CFAP99: variants seen among roughly 807,000 people sequenced by gnomAD.
CFAP99 encodes the protein cilia and flagella associated protein 99.
A neutral mutation model predicts 82.7 loss-of-function variants in CFAP99; 84 were observed. The ratio of observed to expected loss-of-function variants is 1.02; its 90% CI spans 0.85 to 1.22. The LOEUF (loss-of-function observed/expected upper bound fraction) is 1.22. CFAP99 is among the 50% of genes most tolerant of loss of function. The probability of loss-of-function intolerance (pLI) is 0.00; values close to 1 mark genes in which losing one functional copy is unlikely to be tolerated. For missense variants in CFAP99, 1,059 were observed against 983.5 expected (o/e 1.08, Z -1.03); for synonymous variants, 456 against 429.5 (o/e 1.06, Z -0.76).
chr4:2,455,467 A>C (rs1465681899), intron 11 of CFAP99, among the ~76,000 whole-genome samples: 2 of 152,152 alleles, frequency 1.3e-5, no homozygotes, highest in African/African-American at 4.8e-5. Context: ...GAGGTCAGGC[A>C]TTCAAGACCA....
chr4:2,437,056 GAC>G (rs1187673561), intron 3 of CFAP99, 38 bp downstream of exon 3: 1 of 1,535,060 alleles, frequency 6.5e-7, no homozygotes, highest in Admixed American at 2.0e-5. Context: ...AGGCCGTAGA[GAC>G]GGTTCACTCA....
Position 2,448,679 on chromosome 4 carries a change from C to T in CFAP99, c.643-991C>T, listed in dbSNP as rs34938335. 6.6e-6 allele frequency among the ~76,000 whole-genome samples: 1 copy of T among 152,218 alleles called. No homozygotes were observed. The highest frequency in any genetic ancestry group is 1.5e-5 in the Non-Finnish European group (1 of 68,020). ...CAAGGTGCAGGCAAAGGCCCTGGGG[C>T]AGTGCCCACCCTCCCTCAAGTGTTT... On this transcript the variant is annotated intron_variant, in intron 6 of 14. Coordinates refer to ENST00000635017, the Ensembl canonical transcript of CFAP99. The surrounding 1 kb of genome is among the most constrained non-coding windows in gnomAD (Gnocchi z 5.2).
At chr4:2,431,420 T>C (rs932952151) in intron 2 of CFAP99, among the ~76,000 whole-genome samples, 38 of 152,238 alleles carry the variant, frequency 2.5e-4, no homozygotes, top group African/African-American at 8.7e-4. Context: ...AATATGACTT[T>C]AGAAATATGG....
chr4:2,424,560 C>T (rs1014706370), intron 1 of CFAP99, among the ~76,000 whole-genome samples: 1 of 152,194 alleles, frequency 6.6e-6, no homozygotes, highest in East Asian at 1.9e-4. Context: ...CCAGGTCCAG[C>T]GTCACAGCCT....
At chr4:2,451,410 G>T in intron 10 of CFAP99, 58 bp downstream of exon 10, 1 of 1,500,052 alleles carries the variant, frequency 6.7e-7, no homozygotes, top group Non-Finnish European at 9.0e-7. Context: ...GAGAGGAAAG[G>T]CTCAGAGGAG....
At chr4:2,452,849 G>A (rs1734336918) in intron 11 of CFAP99, among the ~76,000 whole-genome samples, 1 of 152,202 alleles carries the variant, frequency 6.6e-6, no homozygotes, top group Non-Finnish European at 1.5e-5. Flanking sequence ...GATCACTTGA[G>A]CCTAGGAGTT....
chr4:2,445,101 A>G (rs939590850), intron 5 of CFAP99, 30 bp from the exon 6 acceptor site: 5 of 1,313,552 alleles, frequency 3.8e-6, no homozygotes, highest in African/African-American at 1.5e-5. Flanking sequence ...GGGAGTGACC[A>G]TAAGAGGTGT....
At chr4:2,440,807 G>A (rs976928341) in intron 4 of CFAP99, among the ~76,000 whole-genome samples, 12 of 151,594 alleles carry the variant, frequency 7.9e-5, no homozygotes, top group Non-Finnish European at 1.5e-4. Context: ...TGTTAGCCAG[G>A]ATGGTCTCGA....
chr4:2,427,979 C>A (rs982394389), intron 2 of CFAP99: 2 of 152,370 alleles, frequency 1.3e-5, no homozygotes, highest in Non-Finnish European at 1.5e-5. Flanking sequence ...GGCCTGTGTG[C>A]AGAGCTGCAG....
At chr4:2,427,094 C>A in intron 2 of CFAP99, 1 of 166,458 alleles carries the variant, frequency 6.0e-6, no homozygotes, top group South Asian at 1.6e-4. Context: ...GGGCTGCAGG[C>A]TTCTGTACAC....
intron 4 of CFAP99, 59 bp downstream of exon 4, chr4:2,438,223 C>A (rs1733961336): frequency 7.4e-6 from 7 of 941,034 alleles, no homozygotes; most frequent in African/African-American, 4.9e-5. Flanking sequence ...TCCGTCTGAT[C>A]CTCGCCCACC....
rs1479705070 is a variant in CFAP99 at position 2,443,257 on chromosome 4, G to T, written c.464+15G>T. On this transcript the variant is annotated intron_variant, in intron 5 of 14. Transcript: ENST00000635017. ...CCCCTGATGAGGTAGGCTGGATGGG[G>T]GGCTCTGGGGGCCCTGAATGGCATC... The T allele has an allele frequency of 6.7e-7, 1 of 1,493,416 alleles. No homozygotes were observed. The highest frequency in any genetic ancestry group is 9.0e-7 in the Non-Finnish European group (1 of 1,108,418). The allele number at this position is 1,493,416 out of a possible 1,614,324, so 92.5% of individuals were successfully genotyped here.
chr4:2,459,273 C>A lies in CFAP99; in HGVS notation c.1455+15C>A. ...ACCTGACCCAGGTGAGGATGCAGTCCTGGACGGGCCCATGCCTCAGGGGCC... is the reference window on the plus strand; with the variant it reads ...ACCTGACCCAGGTGAGGATGCAGTCATGGACGGGCCCATGCCTCAGGGGCC... On this transcript the variant is annotated intron_variant, in intron 13 of 14. Coordinates refer to ENST00000635017, the Ensembl canonical transcript of CFAP99. 1 of 1,519,630 alleles carries A rather than the reference C, an allele frequency of 6.6e-7. No homozygotes were observed. The highest frequency in any genetic ancestry group is 2.0e-5 in the Admixed American group (1 of 48,968). The allele number at this position is 1,519,630 out of a possible 1,614,324, so 94.1% of individuals were successfully genotyped here.
Position 2,462,739 on chromosome 4 carries a change from G to A in CFAP99, c.1958G>A (p.Arg653Lys). 8.1e-7 allele frequency: 1 copy of A among 1,240,898 alleles called. No homozygotes were observed. The allele number at this position is 1,240,898 out of a possible 1,614,324, so 76.9% of individuals were successfully genotyped here. Residue 653 changes from arginine (R) to lysine (K), a missense_variant, in exon 15 of 15, where the codon AGA becomes AAA. Coordinates refer to ENST00000635017, the Ensembl canonical transcript of CFAP99. The surrounding 1 kb of genome is among the most constrained non-coding windows in gnomAD (Gnocchi z 4.1). ...GATCGGGTCCGGTCCGCGGCCGGGA[G>A]ATACGCAGCGGCGGGCGCGGGAGGC...
At chr4:2,458,505 C>A (rs899067764) in intron 11 of CFAP99, among the ~76,000 whole-genome samples, 18 of 152,144 alleles carry the variant, frequency 1.2e-4, no homozygotes, top group Non-Finnish European at 2.4e-4. Context: ...CAAGACCACA[C>A]TGGGAGGAAG....
At position 2,446,758 on chromosome 4, in the gene CFAP99, TTGGA is replaced by T. The variant is rs1221864613; in HGVS notation, c.642+1462_642+1465del. ...AAAGCAGAACCTCAGTAAATACCAG[TTGGA>T]TGGATGGATGGGTGGATGGATTATC... On this transcript the variant is annotated intron_variant, in intron 6 of 14. Transcript: ENST00000635017. The surrounding 1 kb of genome is among the most constrained non-coding windows in gnomAD (Gnocchi z 5.0). 6.6e-6 allele frequency among the ~76,000 whole-genome samples: 1 copy of T among 152,050 alleles called. No homozygotes were observed. Among genetic ancestry groups the T allele is most frequent in the African/African-American group, 2.4e-5 (1 of 41,392 alleles).
intron 12 of CFAP99, 106 bp from the exon 13 acceptor site, chr4:2,459,001 C>T: frequency 1.4e-6 from 2 of 1,446,210 alleles, no homozygotes; most frequent in South Asian, 1.4e-5. Flanking sequence ...CAGGTGGCCG[C>T]ACTGAGGCCA....
chr4:2,461,986 T>A (rs1445236923), intron 14 of CFAP99, among the ~76,000 whole-genome samples: 1 of 149,622 alleles, frequency 6.7e-6, no homozygotes, highest in African/African-American at 2.5e-5. Context: ...TTTAAAAAAA[T>A]GTTAAGTTTA....
At chr4:2,443,655 G>A (rs1231835635) in intron 5 of CFAP99, among the ~76,000 whole-genome samples, 1 of 152,196 alleles carries the variant, frequency 6.6e-6, no homozygotes, top group Non-Finnish European at 1.5e-5. Context: ...CAGATCCCAA[G>A]AGTGCGGAGT....
Sources: gnomAD v4.1 joint callset for allele counts (sites outside exome capture counted in the v4.1 genomes callset) on GRCh38, gnomAD v4.1.1 for gene constraint, Gnocchi (gnomAD v3.1) non-coding constraint, MANE v1.5 for transcripts, NCBI Gene and HGNC (gene_info 2026-07-23, HGNC 2026-07-21) for gene names.